Variants in SSR4 observed in about 807,000 individuals in gnomAD.
SSR4 encodes translocon-associated protein subunit delta.
For missense variants in SSR4, 125 were observed against 148.8 expected (o/e 0.84, Z 0.83); for synonymous variants, 84 against 65.6 (o/e 1.28, Z -1.35).
At chrX:153,796,587 G>T (rs569860372) in intron 2 of SSR4, 35 bp downstream of exon 2, 4 of 1,009,844 alleles carry the variant, frequency 4.0e-6, no homozygotes, top group South Asian at 1.9e-5. Flanking sequence ...GAGGGCGGGT[G>T]GGGGGTGCTC....
At chrX:153,797,385 AGCAGCGCACAGGGCTCCTCT>A in intron 2 of SSR4, 53 bp from the exon 3 acceptor site, 1 of 958,825 alleles carries the variant, frequency 1.0e-6, no homozygotes, top group Non-Finnish European at 1.5e-6. Context: ...AGGCCGTGTG[AGCAGCGCACAGGGCTCCTCT>A]GCCCACACCC....
chrX:153,797,641 C>A, intron 3 of SSR4, 84 bp from the exon 4 acceptor site: 1 of 1,113,986 alleles, frequency 9.0e-7, no homozygotes, highest in Non-Finnish European at 1.2e-6. Flanking sequence ...CTCTGGCTGC[C>A]GGAGTGCTGC....
chrX:153,796,575 A>C, intron 2 of SSR4, 23 bp downstream of exon 2: 18 of 957,047 alleles, frequency 1.9e-5, no homozygotes, highest in Non-Finnish European at 2.4e-5. Context: ...GGTTTCAGAC[A>C]GGAGGGCGGG....
At chrX:153,794,505 C>T, upstream of SSR4, 12 of 1,159,756 alleles carry the variant, frequency 1.0e-5, no homozygotes, top group Non-Finnish European at 1.4e-5. Flanking sequence ...GAGGGGGGGA[C>T]CGCGACCAGC....
In SSR4 at chrX:153,798,153, C is replaced by T. The variant is rs2092154362; in HGVS notation, c.417+17C>T. On this transcript the variant is annotated intron_variant, in intron 5 of 5. Coordinates refer to ENST00000370086, the MANE Select transcript of SSR4 (RefSeq NM_006280.3). Reference sequence around the variant, plus strand: ...GACCATCGGGTGAGTGGCCTGGTCCCTCCTCCTTTTTGGGGTTGTTGGGCT... The same window carrying T: ...GACCATCGGGTGAGTGGCCTGGTCCTTCCTCCTTTTTGGGGTTGTTGGGCT... 3 of 1,207,863 alleles carry T rather than the reference C, an allele frequency of 2.5e-6. No individual in the cohort carries two copies. The highest frequency in any genetic ancestry group is 3.4e-6 in the Non-Finnish European group (3 of 891,728).
intron 2 of SSR4, 36 bp downstream of exon 2, chrX:153,796,588 G>T (rs567421750): frequency 9.8e-7 from 1 of 1,017,385 alleles, no homozygotes; most frequent in South Asian, 1.9e-5. Context: ...AGGGCGGGTG[G>T]GGGGTGCTCC....
chrX:153,797,962 C>T, intron 4 of SSR4, 109 bp from the exon 5 acceptor site: 1 of 947,327 alleles, frequency 1.1e-6, no homozygotes, highest in Non-Finnish European at 1.5e-6. Flanking sequence ...TCTCTCCTTT[C>T]CTTTTCTGGG....
At chrX:153,795,796 C>A (rs1266480698) in intron 1 of SSR4, 3 of 754,019 alleles carry the variant, frequency 4.0e-6, no homozygotes, top group Non-Finnish European at 4.7e-6. Context: ...TTGTTTCACA[C>A]CCTCTGATGT....
rs376775424 is a variant in SSR4, at chrX:153,797,833, C to T, written c.351+19C>T. The T allele has an allele frequency of 3.0e-4, 342 of 1,151,792 alleles. No individual in the cohort carries two copies. Among genetic ancestry groups the T allele is most frequent in the Non-Finnish European group, 3.8e-4 (324 of 851,063 alleles). 94.9% of individuals were successfully genotyped at this position (1,151,792 alleles called of 1,213,427 possible). On this transcript the variant is annotated intron_variant, in intron 4 of 5. Transcript: ENST00000370086. ...CAGGAAGGTGAGGACTCCTGTAGCC[C>T]ACTGTGCTCCCCTGTCCCTGGGGAG...
chrX:153,794,509 G>C (rs925822637), upstream of SSR4: 51 of 1,158,683 alleles, frequency 4.4e-5, no homozygotes, highest in Non-Finnish European at 5.6e-5. Flanking sequence ...GGGGGACCGC[G>C]ACCAGCTGGG....
At position 153,795,172 on chromosome X, in the gene SSR4, G is replaced by A. The variant is rs1820819876; in HGVS notation, c.67+418G>A. 1.9e-5 allele frequency: 3 copies of A among 155,134 alleles called. No individual in the cohort carries two copies. The Admixed American group carries it at 2.3e-4, about 12-fold the overall frequency. 12.8% of individuals were successfully genotyped at this position (155,134 alleles called of 1,213,427 possible). Reference sequence around the variant, plus strand: ...GAGGGAGCAAGAGCGGGGCGAGTTAGATGGGGAGCCAAAGGTGCGCAGGGC... The same window carrying A: ...GAGGGAGCAAGAGCGGGGCGAGTTAAATGGGGAGCCAAAGGTGCGCAGGGC... On this transcript the variant is annotated intron_variant, in intron 1 of 5. Coordinates refer to ENST00000370086, the MANE Select transcript of SSR4 (RefSeq NM_006280.3).
upstream of SSR4, chrX:153,794,492 G>A (rs781972434): frequency 4.3e-6 from 5 of 1,155,730 alleles, no homozygotes; most frequent in South Asian, 7.7e-5. Flanking sequence ...CTGCCGCCAT[G>A]TTGAGGGGGG....
Position 153,797,493 on chromosome X carries a change from A to G in SSR4, c.222A>G (p.Gln74=). The G allele has an allele frequency of 5.0e-6, 6 of 1,211,562 alleles. No homozygotes were observed. Among genetic ancestry groups the G allele is most frequent in the Non-Finnish European group, 6.7e-6 (6 of 895,314 alleles). ...TCTATGCTGACGTCGGTGGAAAACAATTCCCTGTCACTCGAGGCCAGGATG... is the reference window on the plus strand; with the variant it reads ...TCTATGCTGACGTCGGTGGAAAACAGTTCCCTGTCACTCGAGGCCAGGATG... The part of the protein sequence containing the change: ...MALYADVGGK[Q]FPVTRGQDVG... The change falls in exon 3 of 6, where the codon CAA becomes CAG. Residue 74 remains glutamine (Q), a synonymous_variant. Coordinates refer to ENST00000370086, the MANE Select transcript of SSR4 (RefSeq NM_006280.3).
intron 3 of SSR4, 91 bp downstream of exon 3, chrX:153,797,623 G>A (rs782496199): frequency 2.7e-6 from 3 of 1,110,136 alleles, no homozygotes; most frequent in African/African-American, 3.6e-5. Flanking sequence ...AGGGCCAGGG[G>A]CCGTGGGCTC....
At chrX:153,796,120 G>T in intron 1 of SSR4, 1 of 249,296 alleles carries the variant, frequency 4.0e-6, no homozygotes, top group Admixed American at 6.2e-5. Context: ...GGGCCTCCGT[G>T]TCATAGGTCC....
At chrX:153,796,587 G>C (rs569860372) in intron 2 of SSR4, 35 bp downstream of exon 2, 1 of 1,009,847 alleles carries the variant, frequency 9.9e-7, no homozygotes, top group South Asian at 1.9e-5. Flanking sequence ...GAGGGCGGGT[G>C]GGGGGTGCTC....
chrX:153,797,788 G>A lies in SSR4; in HGVS notation c.325G>A (p.Glu109Lys), dbSNP rs2040066400. 5.8e-6 allele frequency: 7 copies of A among 1,207,720 alleles called. No individual in the cohort carries two copies. Among genetic ancestry groups the A allele is most frequent in the Non-Finnish European group, 7.8e-6 (7 of 893,460 alleles). The stretch of plus-strand genomic sequence containing the variant: ...CACCTATGAGGTTAGATTCTTCGAC[G>A]AGGAGTCCTACAGCCTCCTCAGGAA... ...AGTYEVRFFD[E>K]ESYSLLRKAQ... The change falls in exon 4 of 6, where the codon GAG becomes AAG. Residue 109 changes from glutamate (E) to lysine (K), a missense_variant. By Grantham distance (56) the Glu-to-Lys change is moderately conservative (BLOSUM62 1). Coordinates refer to ENST00000370086, the MANE Select transcript of SSR4 (RefSeq NM_006280.3).
upstream of SSR4, chrX:153,794,654 C>T: frequency 8.3e-7 from 1 of 1,211,679 alleles, no homozygotes; most frequent in African/African-American, 1.7e-5. Flanking sequence ...TTCATGGGAG[C>T]TCGTTTTCTT....
intron 1 of SSR4, 53 bp from the exon 2 acceptor site, chrX:153,796,381 G>A: frequency 1.1e-6 from 1 of 941,740 alleles, no homozygotes. Flanking sequence ...CCTGCCCTCA[G>A]ACCGGGATAC....
Sources: gnomAD v4.1 joint callset for allele counts on GRCh38, gnomAD v4.1.1 for gene constraint, MANE v1.5 for transcripts, NCBI Gene and HGNC (gene_info 2026-07-23, HGNC 2026-07-21) for gene names.